Variants in MYH15 observed in about 807,000 individuals in gnomAD.
The protein encoded by MYH15 is myosin heavy chain 15, also known as myosin-15.
Under a neutral mutation model 240.5 loss-of-function variants are expected in MYH15, and 227 were observed. That is an observed-to-expected ratio of 0.94 (90% CI 0.85 to 1.05). The LOEUF is 1.05. MYH15 is among the 50% of genes least tolerant of loss of function. The probability of loss-of-function intolerance (pLI) is 0.00; values close to 1 mark genes in which losing one functional copy is unlikely to be tolerated. For missense variants in MYH15, 2,217 were observed against 2,247.5 expected, an observed-to-expected ratio of 0.99 and a Z score of 0.27; for synonymous variants, 785 against 796.7, an observed-to-expected ratio of 0.99 and a Z score of 0.25.
intron 21 of MYH15, among the ~76,000 whole-genome samples, chr3:108,450,773 C>G (rs544514269): frequency 2.0e-5 from 3 of 152,002 alleles, no homozygotes; most frequent in African/African-American, 7.2e-5. Flanking sequence ...TTTCACAATA[C>G]CTACATATAT....
chr3:108,540,049 C>T, the MYH15 span, among the ~76,000 whole-genome samples: 1 of 152,034 alleles, frequency 6.6e-6, no homozygotes, highest in South Asian at 2.1e-4. Context: ...TAAATATTGC[C>T]AAACAGAACC....
At position 108,399,268 on chromosome 3, in the gene MYH15, C is replaced by A. The variant is rs910843095; in HGVS notation, c.4737-1G>T. On this transcript the variant is annotated splice_acceptor_variant, in intron 33 of 40. Coordinates refer to ENST00000693548, the MANE Select transcript of MYH15 (RefSeq NM_014981.3). LOFTEE classifies it high-confidence loss of function. ...GTCAATGGTACACTGCTGCTTCCTCCTAATTTGAAATAACATTTGGAGTGG... is the reference window on the plus strand; with the variant it reads ...GTCAATGGTACACTGCTGCTTCCTCATAATTTGAAATAACATTTGGAGTGG... 42 of 1,605,828 alleles carry A rather than the reference C, an allele frequency of 2.6e-5. No individual in the cohort carries two copies. Among genetic ancestry groups the A allele is most frequent in the Non-Finnish European group, 3.6e-5 (42 of 1,174,174 alleles).
intron 38 of MYH15, among the ~76,000 whole-genome samples, chr3:108,388,565 C>T (rs1182235837): frequency 6.6e-6 from 1 of 152,098 alleles, no homozygotes; most frequent in African/African-American, 2.4e-5. Context: ...CCCCCCGCTG[C>T]AATTGAATCA....
intron 27 of MYH15, among the ~76,000 whole-genome samples, chr3:108,427,072 C>T (rs1415982821): frequency 1.3e-5 from 2 of 152,180 alleles, no homozygotes; most frequent in East Asian, 3.9e-4. Context: ...CACAAGCTCA[C>T]AGTTGGAGGA....
At chr3:108,452,041 C>T (rs1401455890) in intron 21 of MYH15, among the ~76,000 whole-genome samples, 1 of 149,810 alleles carries the variant, frequency 6.7e-6, no homozygotes, top group Admixed American at 6.6e-5. Flanking sequence ...GAAATGATAG[C>T]TTTCCCCAAA....
upstream of MYH15, among the ~76,000 whole-genome samples, chr3:108,534,211 T>C (rs937108708): frequency 6.6e-6 from 1 of 152,188 alleles, no homozygotes; most frequent in Non-Finnish European, 1.5e-5. Flanking sequence ...AGCTGAATGA[T>C]AGTAATCACT....
intron 6 of MYH15, among the ~76,000 whole-genome samples, chr3:108,497,157 TAAAAAAAAAA>T (rs5851595): frequency 7.0e-5 from 2 of 28,742 alleles, no homozygotes; most frequent in Non-Finnish European, 1.1e-4. Context: ...CGAGACTCCG[TAAAAAAAAAA>T]AAAAAAAAAA....
intron 28 of MYH15, among the ~76,000 whole-genome samples, chr3:108,417,540 T>C (rs1232171061): frequency 1.3e-5 from 2 of 152,208 alleles, no homozygotes; most frequent in Non-Finnish European, 2.9e-5. Context: ...TTTTATAGAC[T>C]GAAATGCTAA....
At chr3:108,535,601 T>C in the MYH15 span, among the ~76,000 whole-genome samples, 5 of 152,172 alleles carry the variant, frequency 3.3e-5, no homozygotes, top group Admixed American at 2.6e-4. Flanking sequence ...CAGTAATCTG[T>C]AGTTTAACAA....
chr3:108,501,613 G>T, intron 3 of MYH15, 99 bp downstream of exon 3: 1 of 1,470,716 alleles, frequency 6.8e-7, no homozygotes, highest in East Asian at 2.3e-5. Context: ...ATCCCTGTGC[G>T]AGCATGCTTA....
At chr3:108,548,888 TAAGTA>T in the MYH15 span, among the ~76,000 whole-genome samples, 1 of 152,106 alleles carries the variant, frequency 6.6e-6, no homozygotes, top group Non-Finnish European at 1.5e-5. Flanking sequence ...TTATAATATA[TAAGTA>T]AATAGACCCA....
chr3:108,381,636 T>C, intron 40 of MYH15, 77 bp from the exon 41 acceptor site: 1 of 1,532,090 alleles, frequency 6.5e-7, no homozygotes, highest in Non-Finnish European at 9.0e-7. Context: ...AGAACCAAGC[T>C]GAGTCCCTTC....
chr3:108,467,508 T>C (rs1201031609), intron 14 of MYH15, among the ~76,000 whole-genome samples: 1 of 152,150 alleles, frequency 6.6e-6, no homozygotes, highest in Non-Finnish European at 1.5e-5. Flanking sequence ...TAGTTTGGAC[T>C]CAAAAACCAG....
chr3:108,437,704 C>A lies in MYH15; in HGVS notation c.3076-5G>T. The A allele has an allele frequency of 6.2e-7, 1 of 1,607,840 alleles. No individual in the cohort carries two copies. The highest frequency in any genetic ancestry group is 8.5e-7 in the Non-Finnish European group (1 of 1,178,164). ...CTGCTCAAGGGCACCCTCAAGCTGA[C>A]AAAAGGAAACATTATTTAGCTAAAT... On this transcript the variant is annotated splice_polypyrimidine_tract_variant and splice_region_variant and intron_variant, in intron 24 of 40. Transcript: ENST00000693548.
At chr3:108,441,520 A>G (rs2082885228) in intron 22 of MYH15, among the ~76,000 whole-genome samples, 1 of 152,196 alleles carries the variant, frequency 6.6e-6, no homozygotes, top group Admixed American at 6.5e-5. Context: ...AAAGCACTTA[A>G]TAGAATCCTG....
chr3:108,510,402 G>T, intron 1 of MYH15, 41 bp downstream of exon 1: 1 of 1,577,454 alleles, frequency 6.3e-7, no homozygotes, highest in South Asian at 1.2e-5. Context: ...CATCTTGAAG[G>T]AGCAAAATAA....
intron 3 of MYH15, 52 bp downstream of exon 3, chr3:108,501,660 C>T: frequency 6.2e-7 from 1 of 1,608,092 alleles, no homozygotes. Context: ...GAGATTGGGA[C>T]ATGCAATGTG....
chr3:108,509,701 G>C (rs145419883), intron 1 of MYH15, among the ~76,000 whole-genome samples: 1 of 152,142 alleles, frequency 6.6e-6, no homozygotes, highest in Non-Finnish European at 1.5e-5. Flanking sequence ...ATATCATACT[G>C]TGAATCTGAT....
chr3:108,507,412 C>T (rs1233660002), intron 1 of MYH15, among the ~76,000 whole-genome samples: 1 of 149,632 alleles, frequency 6.7e-6, no homozygotes, highest in African/African-American at 2.5e-5. Context: ...GTGAAAACCC[C>T]ACTATAACCA....
Sources: allele counts gnomAD v4.1 joint callset (sites outside exome capture counted in the v4.1 genomes callset), GRCh38; gene constraint gnomAD v4.1.1; transcripts MANE v1.5; gene names NCBI Gene and HGNC (gene_info 2026-07-23, HGNC 2026-07-21).